WBP11: variants seen among roughly 807,000 people sequenced by gnomAD.
WBP11 encodes the protein WW domain binding protein 11.
Under a neutral mutation model 66.7 loss-of-function variants are expected in WBP11, and 12 were observed. That is an observed-to-expected ratio of 0.18 (90% confidence interval 0.12 to 0.29). The LOEUF is 0.29. Ranked by LOEUF, WBP11 falls within the 10% of genes least tolerant of loss-of-function variation. The pLI is 1.00. For synonymous variants in WBP11, 255 were observed against 273.8 expected, an observed-to-expected ratio of 0.93 and a Z score of 0.68; for missense variants, 555 against 818.3, an observed-to-expected ratio of 0.68 and a Z score of 3.93.
chr12:14,797,576 G>C (rs1242354867), intron 4 of WBP11, among the ~76,000 whole-genome samples: 1 of 152,096 alleles, frequency 6.6e-6, no homozygotes, highest in African/African-American at 2.4e-5. Context: ...GGGCTTAACT[G>C]CAGGTCCTCT....
rs748454827 is a variant in WBP11 at position 14,801,412 on chromosome 12, A to AT, written c.-30dup. The AT allele has an allele frequency of 1.1e-5, 18 of 1,607,336 alleles. No individual in the cohort carries two copies. The African/African-American group carries it at 1.9e-4, about 17-fold the overall frequency. Reference sequence around the variant, plus strand: ...GACAATTTGTATGGTTTACTTGTTCATTAAAAAAAGAAAAACCTGTGAAGG... The same window carrying AT: ...GACAATTTGTATGGTTTACTTGTTCATTTAAAAAAAGAAAAACCTGTGAAGG... On this transcript the variant is annotated 5_prime_UTR_variant, in exon 2 of 12. It adds an upstream start codon to the 5' untranslated region. Coordinates refer to ENST00000261167, the MANE Select transcript of WBP11 (RefSeq NM_016312.3).
intron 8 of WBP11, among the ~76,000 whole-genome samples, chr12:14,792,601 G>C (rs928193725): frequency 1.3e-5 from 2 of 152,216 alleles, no homozygotes; most frequent in Non-Finnish European, 2.9e-5. Flanking sequence ...GGGAGGCCGA[G>C]GGGGGCAGAT....
chr12:14,790,729 C>T lies in WBP11; in HGVS notation c.1036G>A (p.Gly346Arg), dbSNP rs773669133. ...TCTGAAAATTCCTCTACTTCCCGTC[C>T]CTCCTCAGGGATTTCTTGACCTGAA... ...RMAGQEIPEE[G>R]REVEEFSEDD... Residue 346 changes from glycine (G) to arginine (R), a missense_variant, in exon 10 of 12, where the codon GGA (glycine) becomes AGA (arginine). Around this residue, in one of 6 missense-constraint regions of WBP11, gnomAD observed 230 missense variants for 286.3 expected, o/e 0.80. Coordinates refer to ENST00000261167, the MANE Select transcript of WBP11 (RefSeq NM_016312.3). 26 of 1,613,556 alleles carry T rather than the reference C, an allele frequency of 1.6e-5. No homozygotes were observed. The highest frequency in any genetic ancestry group is 2.1e-5 in the Non-Finnish European group (25 of 1,179,752).
chr12:14,795,750 A>G (rs192659818), intron 5 of WBP11, among the ~76,000 whole-genome samples: 9 of 152,212 alleles, frequency 5.9e-5, no homozygotes, highest in Admixed American at 5.2e-4. Flanking sequence ...AATAAACAAA[A>G]AAAAGAAAAA....
intron 2 of WBP11, chr12:14,801,035 C>A: frequency 2.2e-6 from 1 of 461,952 alleles, no homozygotes; most frequent in South Asian, 4.9e-5. Flanking sequence ...TAACATAAAA[C>A]GCGAAACAAG....
At position 14,790,616 on chromosome 12, in the gene WBP11, T is replaced by C; in HGVS notation, c.1149A>G (p.Thr383=). 1 of 1,614,096 alleles carries C rather than the reference T, an allele frequency of 6.2e-7. No individual in the cohort carries two copies. Among genetic ancestry groups the C allele is most frequent in the Non-Finnish European group, 8.5e-7 (1 of 1,179,934 alleles). Residue 383 remains threonine, a synonymous_variant, in exon 10 of 12, where the codon ACA becomes ACG. Transcript: ENST00000261167. The stretch of plus-strand genomic sequence containing the variant: ...CCTGCTGCTGTGAAGAAGCAGTGGA[T>C]GTGCCATCAGAATGGGATTCCTCTT... The part of the protein sequence containing the change: ...QHKEESHSDG[T]STASSQQQAP...
rs922560344 is a variant in WBP11 at position 14,784,904 on chromosome 12, TCC to T, written c.*2159_*2160del. ...CCCAGAATCAGAACTGCTAATTAAT[TCC>T]CCTTTCCTGTGGATGCAGCTGATGT... On this transcript the variant is annotated 3_prime_UTR_variant, in exon 12 of 12. Coordinates refer to ENST00000261167, the MANE Select transcript of WBP11 (RefSeq NM_016312.3). 2.7e-5 allele frequency: 4 copies of T among 149,092 alleles called. 1 individual carries two copies. Among genetic ancestry groups the T allele is most frequent in the South Asian group, 4.3e-4 (2 of 4,608 alleles). 9.2% of individuals were successfully genotyped at this position (149,092 alleles called of 1,614,324 possible). A position where few individuals can be genotyped will look rare whatever the true frequency, so the allele number is the denominator to read the frequency against.
In WBP11 at chr12:14,786,374, G is replaced by C. The variant is rs986813917; in HGVS notation, c.*691C>G. 6.6e-6 allele frequency: 1 copy of C among 152,078 alleles called. No individual in the cohort carries two copies. Among genetic ancestry groups the C allele is most frequent in the Non-Finnish European group, 1.5e-5 (1 of 68,002 alleles). The allele number at this position is 152,078 out of a possible 1,614,324, so 9.4% of individuals were successfully genotyped here. ...ATGTTTTCAGTAAGATTCTCATTCT[G>C]TACCAGAAAGGCAGTTCCTTAAAGA... On this transcript the variant is annotated 3_prime_UTR_variant, in exon 12 of 12. Transcript: ENST00000261167.
intron 11 of WBP11, 91 bp downstream of exon 11, chr12:14,788,860 G>A (rs1049123568): frequency 1.4e-6 from 1 of 711,048 alleles, no homozygotes; most frequent in Non-Finnish European, 2.1e-6. Flanking sequence ...GATGACCTCA[G>A]ATTTCAGAAT....
At chr12:14,795,508 G>C (rs1415876521) in intron 5 of WBP11, among the ~76,000 whole-genome samples, 1 of 152,088 alleles carries the variant, frequency 6.6e-6, no homozygotes, top group Admixed American at 6.5e-5. Flanking sequence ...GACGCAGGTC[G>C]ATCACAAGCT....
At chr12:14,794,457 T>C in intron 7 of WBP11, 80 bp downstream of exon 7, 2 of 1,486,164 alleles carry the variant, frequency 1.3e-6, no homozygotes, top group South Asian at 1.1e-5. Context: ...TTCTAAGTTC[T>C]GAGGGTGGTG....
chr12:14,801,978 C>T (rs1379371155), intron 1 of WBP11: 3 of 152,426 alleles, frequency 2.0e-5, no homozygotes, highest in African/African-American at 7.2e-5. Context: ...ATATTTAATT[C>T]AGATTCAGTT....
rs1024283545 is a variant in WBP11, at chr12:14,785,059, G to A, written c.*2006C>T. On this transcript the variant is annotated 3_prime_UTR_variant, in exon 12 of 12. Transcript: ENST00000261167. ...CTCCAACTGAAGGCTGAGATGGGAA[G>A]ATCACTTGAGGCTAGGAGACCAGAC... is the stretch of plus-strand genomic sequence containing the variant. 11 of 152,188 alleles carry A rather than the reference G, an allele frequency of 7.2e-5. No homozygotes were observed. The highest frequency in any genetic ancestry group is 2.7e-4 in the African/African-American group (11 of 41,444). The allele number at this position is 152,188 out of a possible 1,614,324, so 9.4% of individuals were successfully genotyped here.
In WBP11 at chr12:14,803,003, A is replaced by G. The variant is rs373949078; in HGVS notation, c.-46+349T>C. 2.0e-4 allele frequency among the ~76,000 whole-genome samples: 30 copies of G among 152,356 alleles called. 1 individual carries two copies. The highest frequency in any genetic ancestry group is 7.2e-4 in the African/African-American group (30 of 41,582). ...GTTGGATAACTCTAAACAGCCAAAGAAGCTTCAATGGGATAGGGTCCAGGT... is the reference window on the plus strand; with the variant it reads ...GTTGGATAACTCTAAACAGCCAAAGGAGCTTCAATGGGATAGGGTCCAGGT... On this transcript the variant is annotated intron_variant, in intron 1 of 11. Coordinates refer to ENST00000261167, the MANE Select transcript of WBP11 (RefSeq NM_016312.3).
In WBP11 at chr12:14,796,661, G is replaced by A. The variant is rs1949897554; in HGVS notation, c.387+146C>T. The stretch of plus-strand genomic sequence containing the variant: ...CTAGGGTTCCATCCCCAAAATATAT[G>A]CAAATATACACAAAAACAAAACAAA... On this transcript the variant is annotated intron_variant, in intron 5 of 11. Transcript: ENST00000261167. The surrounding 1 kb of genome is among the most constrained non-coding windows in gnomAD (Gnocchi z 4.5). The A allele has an allele frequency of 2.9e-6, 2 of 679,166 alleles. No homozygotes were observed. Among genetic ancestry groups the A allele is most frequent in the Admixed American group, 3.9e-5 (1 of 25,462 alleles). The allele number at this position is 679,166 out of a possible 1,614,324, so 42.1% of individuals were successfully genotyped here. A position where few individuals can be genotyped will look rare whatever the true frequency, so the allele number is the denominator to read the frequency against.
intron 8 of WBP11, among the ~76,000 whole-genome samples, chr12:14,791,489 T>C (rs924141873): frequency 1.3e-5 from 2 of 152,170 alleles, no homozygotes; most frequent in African/African-American, 4.8e-5. Flanking sequence ...AAGCCCAGAA[T>C]ATACAAAACT....
chr12:14,800,610 G>T, intron 3 of WBP11, 142 bp downstream of exon 3: 1 of 765,182 alleles, frequency 1.3e-6, no homozygotes, highest in Non-Finnish European at 2.1e-6. Flanking sequence ...GTTTGGCTTA[G>T]TATATCTTAC....
intron 4 of WBP11, among the ~76,000 whole-genome samples, chr12:14,798,456 C>G (rs1332827822): frequency 1.3e-5 from 2 of 152,128 alleles, no homozygotes; most frequent in Non-Finnish European, 2.9e-5. Context: ...CCTTTTAAAA[C>G]AACACATAAC....
rs765200260 is a variant in WBP11 at position 14,787,064 on chromosome 12, G to A, written c.*1C>T. 1.2e-6 allele frequency: 2 copies of A among 1,608,370 alleles called. No individual in the cohort carries two copies. The highest frequency in any genetic ancestry group is 3.3e-5 in the Admixed American group (2 of 59,806). On this transcript the variant is annotated 3_prime_UTR_variant, in exon 12 of 12. Transcript: ENST00000261167. The stretch of plus-strand genomic sequence containing the variant: ...GAAGCCTTTTCTGGCATCAAAAGCT[G>A]TCACAGTAGCCCTTCCATCTCTTTC...
Sources: gnomAD v4.1 joint callset for allele counts (sites outside exome capture counted in the v4.1 genomes callset) on GRCh38, gnomAD v4.1.1 for gene constraint, gnomAD v4.1.1 regional missense constraint, Gnocchi (gnomAD v3.1) non-coding constraint, MANE v1.5 for transcripts, NCBI Gene and HGNC (gene_info 2026-07-23, HGNC 2026-07-21) for gene names.